Variants in FER1L6 observed in about 807,000 individuals in gnomAD.
FER1L6 encodes the protein fer-1-like protein 6.
FER1L6 carries 177 observed loss-of-function variants against 219.2 expected under a neutral mutation model. That is an observed-to-expected ratio of 0.81 (90% CI 0.71 to 0.91). The LOEUF (loss-of-function observed/expected upper bound fraction) is 0.91, where lower values mean the gene tolerates loss of function less well. Among genes scored for constraint, FER1L6 ranks in the 40% least tolerant of loss-of-function variants. The pLI is 0.00. For synonymous variants in FER1L6, 768 were observed against 824.3 expected, an observed-to-expected ratio of 0.93 and a Z score of 1.17; for missense variants, 2,153 against 2,259.9, an observed-to-expected ratio of 0.95 and a Z score of 0.96.
chr8:124,068,763 T>C (rs1441804590), intron 28 of FER1L6, among the ~76,000 whole-genome samples: 1 of 152,114 alleles, frequency 6.6e-6, no homozygotes, highest in Non-Finnish European at 1.5e-5. Context: ...CACTGGCCCA[T>C]AGATTAGGGC....
At chr8:123,877,603 C>G (rs1354344915) in intron 1 of FER1L6, among the ~76,000 whole-genome samples, 2 of 152,110 alleles carry the variant, frequency 1.3e-5, no homozygotes, top group African/African-American at 4.8e-5. Context: ...GAACCGTTCT[C>G]TGAGAACTCT....
At chr8:124,039,350 C>T (rs1366719419) in intron 19 of FER1L6, among the ~76,000 whole-genome samples, 3 of 152,124 alleles carry the variant, frequency 2.0e-5, no homozygotes, top group African/African-American at 7.2e-5. Flanking sequence ...ATTGTGTTTA[C>T]TGAAGTGAAA....
intron 20 of FER1L6, among the ~76,000 whole-genome samples, chr8:124,043,098 C>T (rs1364442161): frequency 1.3e-5 from 2 of 152,120 alleles, no homozygotes; most frequent in African/African-American, 4.8e-5. Flanking sequence ...CCCCAGTGCA[C>T]CAAGGCTGCC....
chr8:123,923,356 G>T (rs536129366), intron 1 of FER1L6, among the ~76,000 whole-genome samples: 1 of 152,208 alleles, frequency 6.6e-6, no homozygotes, highest in African/African-American at 2.4e-5. Flanking sequence ...CATTGGCTTT[G>T]ATGCCCTTGC....
At chr8:123,950,904 G>C (rs1814732638) in intron 1 of FER1L6, among the ~76,000 whole-genome samples, 1 of 152,160 alleles carries the variant, frequency 6.6e-6, no homozygotes, top group African/African-American at 2.4e-5. Context: ...TGAGCATTCT[G>C]TTCCTCCAAG....
chr8:123,883,877 A>G (rs1817154148), intron 1 of FER1L6, among the ~76,000 whole-genome samples: 2 of 152,236 alleles, frequency 1.3e-5, no homozygotes, highest in African/African-American at 4.8e-5. Context: ...ATCGCCTTTT[A>G]AACACCTCAC....
chr8:124,104,394 C>T (rs547933802), intron 39 of FER1L6, among the ~76,000 whole-genome samples: 1 of 152,078 alleles, frequency 6.6e-6, no homozygotes, highest in East Asian at 1.9e-4. Context: ...TCCAATCATG[C>T]GTGGAATAAC....
rs908002383 is a variant in FER1L6 at position 123,853,660 on chromosome 8, A to T, written c.-8+1475A>T. 2.0e-5 allele frequency among the ~76,000 whole-genome samples: 3 copies of T among 152,320 alleles called. No individual in the cohort carries two copies. Among genetic ancestry groups the T allele is most frequent in the African/African-American group, 7.2e-5 (3 of 41,576 alleles). Reference sequence around the variant, plus strand: ...TCACCACGGGCAAGCGTGGAGTAACATATTTTGAGAGAACCTATCCAAGTT... The same window carrying T: ...TCACCACGGGCAAGCGTGGAGTAACTTATTTTGAGAGAACCTATCCAAGTT... On this transcript the variant is annotated intron_variant, in intron 1 of 40. Transcript: ENST00000522917. This position sits in a 1 kb window ranked among gnomAD's most constrained non-coding sequence, Gnocchi z 6.6.
At chr8:123,935,476 C>A (rs1479394222) in intron 1 of FER1L6, among the ~76,000 whole-genome samples, 1 of 152,192 alleles carries the variant, frequency 6.6e-6, no homozygotes, top group African/African-American at 2.4e-5. Flanking sequence ...AATCAAAGTG[C>A]AAATTCAACA....
chr8:123,952,951 G>A (rs774381444), intron 1 of FER1L6, among the ~76,000 whole-genome samples: 1 of 152,162 alleles, frequency 6.6e-6, no homozygotes, highest in African/African-American at 2.4e-5. Context: ...ATGTCCTTGT[G>A]TCACATGGGA....
At chr8:124,116,855 G>T (rs1010095687) in intron 39 of FER1L6, among the ~76,000 whole-genome samples, 2 of 152,092 alleles carry the variant, frequency 1.3e-5, no homozygotes, top group Admixed American at 6.5e-5. Context: ...CATGAGTTTT[G>T]GACTTATTTC....
chr8:123,871,271 T>C (rs571972924), intron 1 of FER1L6, among the ~76,000 whole-genome samples: 1 of 152,250 alleles, frequency 6.6e-6, no homozygotes, highest in Admixed American at 6.5e-5. Flanking sequence ...GAAAGGGCCC[T>C]GAAACAATAA....
At chr8:124,079,883 AGTCATCCCTGTGAAACCTTCTGTT>A (rs1821463596) in intron 32 of FER1L6, among the ~76,000 whole-genome samples, 2 of 152,130 alleles carry the variant, frequency 1.3e-5, no homozygotes, top group Non-Finnish European at 2.9e-5. Flanking sequence ...TCAGCCAAAG[AGTCATCCCTGTGAAACCTTCTGTT>A]GTCACCCCTC....
At chr8:124,004,903 CAGA>C (rs1817589696) in intron 13 of FER1L6, among the ~76,000 whole-genome samples, 1 of 151,342 alleles carries the variant, frequency 6.6e-6, no homozygotes, top group African/African-American at 2.4e-5. Flanking sequence ...GAGGCTGAGG[CAGA>C]AGAATTGCTT....
In FER1L6 at chr8:124,119,868, A is replaced by G; in HGVS notation, c.*78A>G. 6.8e-7 allele frequency: 1 copy of G among 1,465,160 alleles called. No individual in the cohort carries two copies. 90.8% of individuals were successfully genotyped at this position (1,465,160 alleles called of 1,614,324 possible). ...CTGGGAGCATCTAAGAACATGTCCC[A>G]TGCATGGCACTGTGCTGAGTGCTAA... On this transcript the variant is annotated 3_prime_UTR_variant, in exon 41 of 41. Coordinates refer to ENST00000522917, the MANE Select transcript of FER1L6 (RefSeq NM_001039112.2).
intron 1 of FER1L6, among the ~76,000 whole-genome samples, chr8:123,943,361 CAT>C (rs752207852): frequency 2.0e-5 from 3 of 152,258 alleles, no homozygotes; most frequent in South Asian, 2.1e-4. Flanking sequence ...TGAAATAAAA[CAT>C]ATTGGCGGCC....
intron 32 of FER1L6, among the ~76,000 whole-genome samples, chr8:124,079,076 C>T (rs1246603381): frequency 1.3e-5 from 2 of 152,138 alleles, no homozygotes; most frequent in African/African-American, 4.8e-5. Context: ...CAATATCAGC[C>T]TTCATCTCCA....
chr8:123,975,819 G>T, intron 8 of FER1L6, 79 bp from the exon 9 acceptor site: 1 of 1,147,518 alleles, frequency 8.7e-7, no homozygotes, highest in South Asian at 1.7e-5. Context: ...CTTTCTTTCT[G>T]CCTCCAAATT....
At chr8:124,063,535 A>G (rs1262656526) in intron 25 of FER1L6, among the ~76,000 whole-genome samples, 1 of 152,182 alleles carries the variant, frequency 6.6e-6, no homozygotes, top group Non-Finnish European at 1.5e-5. Flanking sequence ...CTACTAACCT[A>G]TCATTCGTTT....
Sources: gnomAD v4.1 joint callset for allele counts (sites outside exome capture counted in the v4.1 genomes callset) on GRCh38, gnomAD v4.1.1 for gene constraint, Gnocchi (gnomAD v3.1) non-coding constraint, MANE v1.5 for transcripts, NCBI Gene and HGNC (gene_info 2026-07-23, HGNC 2026-07-21) for gene names.